The following CDON variants were observed in gnomAD, a reference collection of about 807,000 sequenced individuals.
The protein encoded by CDON is cell adhesion associated, oncogene regulated.
CDON carries 73 observed loss-of-function variants against 120.9 expected under a neutral mutation model. The observed-to-expected ratio is 0.60, with a 90% CI of 0.50 to 0.73. The LOEUF (loss-of-function observed/expected upper bound fraction) is 0.73. Ranked by LOEUF, CDON falls within the 30% of genes least tolerant of loss-of-function variation. The pLI, the probability that CDON is intolerant of heterozygous loss-of-function variation, is 0.00. For missense variants in CDON, 1,470 were observed against 1,587.3 expected (o/e 0.93, Z 1.26); for synonymous variants, 566 against 573.5 (o/e 0.99, Z 0.19).
intron 7 of CDON, among the ~76,000 whole-genome samples, chr11:126,012,565 CTT>C (rs755134644): frequency 1.6e-4 from 22 of 135,020 alleles, no homozygotes; most frequent in Admixed American, 2.2e-4. Flanking sequence ...CCATGCCTGG[CTT>C]TTTTTTTTTT....
At chr11:125,996,032 C>T (rs533539573) in intron 12 of CDON, among the ~76,000 whole-genome samples, 5 of 152,242 alleles carry the variant, frequency 3.3e-5, no homozygotes, top group South Asian at 2.1e-4. Context: ...AAAGAACAAA[C>T]GCGTGTTCAT....
intron 18 of CDON, among the ~76,000 whole-genome samples, chr11:125,971,169 G>T (rs1457971458): frequency 6.6e-6 from 1 of 152,062 alleles, no homozygotes; most frequent in African/African-American, 2.4e-5. Flanking sequence ...GGATCACGAG[G>T]TCAGGAGACC....
At position 125,981,970 on chromosome 11, in the gene CDON, C is replaced by CTTTTTTTT. The variant is rs61446837; in HGVS notation, c.2996-649_2996-642dup. ...CAAAGGCAAAAAGTGATTCTATTTT[C>CTTTTTTTT]TTTTTTTTTTTTTTTTTTTTTTTTT... is the stretch of plus-strand genomic sequence containing the variant. On this transcript the variant is annotated intron_variant, in intron 16 of 19. Transcript: ENST00000531738. Among the ~76,000 whole-genome samples the CTTTTTTTT allele has an allele frequency of 1.0e-2, 542 of 54,264 alleles. 130 individuals carry two copies. Among genetic ancestry groups the CTTTTTTTT allele is most frequent in the African/African-American group, 0.023 (286 of 12,404 alleles). 35.6% of individuals were successfully genotyped at this position (54,264 alleles called of 152,430 possible).
In CDON at chr11:125,996,699, C is replaced by CAAAAAA. The variant is rs71048761; in HGVS notation, c.2362+502_2362+507dup. On this transcript the variant is annotated intron_variant, in intron 12 of 19. Transcript: ENST00000531738. Reference sequence around the variant, plus strand: ...TAGGCGACAGAGGGAGACTCCATCTCAAAAAAAAAAAAAAAAAAAAAAAAG... The same window carrying CAAAAAA: ...TAGGCGACAGAGGGAGACTCCATCTCAAAAAAAAAAAAAAAAAAAAAAAAAAAAAAG... Among the ~76,000 whole-genome samples, 28 of 53,328 alleles carry CAAAAAA rather than the reference C, an allele frequency of 5.3e-4. 1 individual carries two copies. The highest frequency in any genetic ancestry group is 1.6e-3 in the Admixed American group (5 of 3,132). The allele number at this position is 53,328 out of a possible 152,430, so 35.0% of individuals were successfully genotyped here.
chr11:126,050,342 C>T (rs1306648451), intron 1 of CDON, among the ~76,000 whole-genome samples: 1 of 151,946 alleles, frequency 6.6e-6, no homozygotes, highest in African/African-American at 2.4e-5. Context: ...CCAAATAACA[C>T]TTTTCTCCAA....
At chr11:126,017,823 C>CT (rs1947514755) in intron 5 of CDON, among the ~76,000 whole-genome samples, 2 of 151,906 alleles carry the variant, frequency 1.3e-5, no homozygotes, top group African/African-American at 2.4e-5. Flanking sequence ...TGTATTCACT[C>CT]TGTCACCTTG....
chr11:126,057,992 G>C lies in CDON; in HGVS notation c.-62+4587C>G, dbSNP rs563224416. ...CATTTTACAGACAAAGACCCCCAAG[G>C]CTTAAGTCAAGATCATTGCCCAGGC... On this transcript the variant is annotated intron_variant, in intron 1 of 19. Coordinates refer to ENST00000531738, the MANE Select transcript of CDON (RefSeq NM_001378964.1). Among the ~76,000 whole-genome samples, 7 of 152,218 alleles carry C rather than the reference G, an allele frequency of 4.6e-5. No homozygotes were observed. The South Asian group carries it at 1.5e-3, about 32-fold the overall frequency.
intron 1 of CDON, among the ~76,000 whole-genome samples, chr11:126,024,734 G>A (rs987311193): frequency 1.1e-4 from 16 of 152,112 alleles, no homozygotes; most frequent in African/African-American, 3.4e-4. Context: ...ACGTATGAAC[G>A]CCTTGGCACT....
chr11:126,057,199 G>GCCTAC (rs1948701073), intron 1 of CDON, among the ~76,000 whole-genome samples: 1 of 152,156 alleles, frequency 6.6e-6, no homozygotes, highest in African/African-American at 2.4e-5. Flanking sequence ...TAGCCATTGG[G>GCCTAC]ATCTGATTTT....
intron 15 of CDON, among the ~76,000 whole-genome samples, chr11:125,987,913 G>C (rs1482006011): frequency 6.6e-6 from 1 of 152,230 alleles, no homozygotes; most frequent in Non-Finnish European, 1.5e-5. Context: ...ACATGGTTTA[G>C]AGTTTAAAAG....
At chr11:126,002,204 T>C (rs1946966825) in intron 10 of CDON, among the ~76,000 whole-genome samples, 1 of 152,228 alleles carries the variant, frequency 6.6e-6, no homozygotes, top group Non-Finnish European at 1.5e-5. Flanking sequence ...AAACTCACCA[T>C]TAAAGAGCTT....
chr11:125,982,401 A>G (rs1261377161), intron 16 of CDON, among the ~76,000 whole-genome samples: 1 of 152,144 alleles, frequency 6.6e-6, no homozygotes, highest in East Asian at 1.9e-4. Context: ...ACTGTACAGG[A>G]TTTGTTGTTG....
chr11:126,015,851 C>T (rs997218451), intron 6 of CDON, among the ~76,000 whole-genome samples: 2 of 152,162 alleles, frequency 1.3e-5, no homozygotes, highest in Non-Finnish European at 2.9e-5. Context: ...AATACAGTAA[C>T]AATTTCCCTG....
rs375462072 is a variant in CDON at position 126,014,960 on chromosome 11, T to G, written c.1198+281A>C. 9.1e-5 allele frequency: 39 copies of G among 426,684 alleles called. No individual in the cohort carries two copies. In the East Asian group the frequency reaches 1.6e-3, roughly 18 times the overall value. 26.4% of individuals were successfully genotyped at this position (426,684 alleles called of 1,614,324 possible). A position where few individuals can be genotyped will look rare whatever the true frequency, so the allele number is the denominator to read the frequency against. On this transcript the variant is annotated intron_variant, in intron 7 of 19. Coordinates refer to ENST00000531738, the MANE Select transcript of CDON (RefSeq NM_001378964.1). ...TTTCTAAAGAGAGGAACTGACTGTC[T>G]AGGGAATAAGAGTAAGAGAGAGATT...
chr11:125,988,840 T>C (rs1432237415), intron 15 of CDON, among the ~76,000 whole-genome samples: 1 of 152,230 alleles, frequency 6.6e-6, no homozygotes, highest in African/African-American at 2.4e-5. Flanking sequence ...AACAAGTAGA[T>C]AGAAGTTACA....
chr11:126,011,291 A>G (rs1372440668), intron 7 of CDON, among the ~76,000 whole-genome samples: 1 of 152,200 alleles, frequency 6.6e-6, no homozygotes, highest in Non-Finnish European at 1.5e-5. Context: ...AGGTATTTTG[A>G]AGAGAGCTTA....
At chr11:125,962,921 A>T (rs2134344480) in intron 18 of CDON, among the ~76,000 whole-genome samples, 1 of 152,276 alleles carries the variant, frequency 6.6e-6, no homozygotes, top group South Asian at 2.1e-4. Flanking sequence ...GCTAATTGTG[A>T]CATCTGGGTC....
chr11:126,051,127 G>A (rs1460196355), intron 1 of CDON, among the ~76,000 whole-genome samples: 1 of 152,124 alleles, frequency 6.6e-6, no homozygotes, highest in Non-Finnish European at 1.5e-5. Context: ...TTAAAGGCCT[G>A]TAGCATTTGA....
intron 1 of CDON, among the ~76,000 whole-genome samples, chr11:126,062,198 C>G (rs1482619076): frequency 6.6e-6 from 1 of 152,190 alleles, no homozygotes; most frequent in South Asian, 2.1e-4. Flanking sequence ...CGCGGGCGCT[C>G]TGCAGGGATG....
Sources: gnomAD v4.1 joint callset for allele counts (sites outside exome capture counted in the v4.1 genomes callset) on GRCh38, gnomAD v4.1.1 for gene constraint, MANE v1.5 for transcripts, NCBI Gene and HGNC (gene_info 2026-07-23, HGNC 2026-07-21) for gene names.